The following TBC1D21 variants were observed in gnomAD, a reference collection of about 807,000 sequenced individuals.
TBC1D21 encodes the protein male germ cell Rab GTPase-activating protein.
TBC1D21 carries 38 observed loss-of-function variants against 46.0 expected under a neutral mutation model. The ratio of observed to expected loss-of-function variants is 0.83; its 90% CI spans 0.64 to 1.08. The LOEUF (loss-of-function observed/expected upper bound fraction) is 1.08, where lower values mean the gene tolerates loss of function less well. Among genes scored for constraint, TBC1D21 ranks in the 50% least tolerant of loss-of-function variants. The pLI is 0.00. For missense variants in TBC1D21, 415 were observed against 417.9 expected (o/e 0.99, Z 0.06); for synonymous variants, 151 against 157.2 (o/e 0.96, Z 0.29).
intron 8 of TBC1D21, 33 bp from the exon 9 acceptor site, chr15:73,887,586 CA>C (rs749599713): frequency 1.1e-5 from 18 of 1,595,108 alleles, no homozygotes; most frequent in Non-Finnish European, 1.5e-5. Flanking sequence ...AGTCTCAGAC[CA>C]CAGGGCCCAG....
At chr15:73,888,789 G>A (rs992981050) in intron 10 of TBC1D21, among the ~76,000 whole-genome samples, 1 of 151,976 alleles carries the variant, frequency 6.6e-6, no homozygotes, top group Non-Finnish European at 1.5e-5. Flanking sequence ...CGCAGCCCAT[G>A]GCAGGTGCAT....
rs1398061112 is a variant in TBC1D21 at position 73,886,618 on chromosome 15, G to A, written c.777+6G>A. On this transcript the variant is annotated splice_donor_region_variant and intron_variant, in intron 8 of 10. Transcript: ENST00000300504. Reference sequence around the variant, plus strand: ...ATGTCTGGAGGCTCTGGGAGGTGAGGTGTCCAGCTAGGGATCATCAGGCTG... The same window carrying A: ...ATGTCTGGAGGCTCTGGGAGGTGAGATGTCCAGCTAGGGATCATCAGGCTG... 1.2e-6 allele frequency: 2 copies of A among 1,612,988 alleles called. No individual in the cohort carries two copies. Among genetic ancestry groups the A allele is most frequent in the Non-Finnish European group, 1.7e-6 (2 of 1,179,714 alleles).
At chr15:73,898,017 T>C in the TBC1D21 span, among the ~76,000 whole-genome samples, 44 of 152,154 alleles carry the variant, frequency 2.9e-4, no homozygotes, top group Non-Finnish European at 5.7e-4. Context: ...TCACTGTGAG[T>C]GGTCATCATC....
chr15:73,882,416 T>C (rs2068172169), intron 3 of TBC1D21, among the ~76,000 whole-genome samples: 1 of 152,088 alleles, frequency 6.6e-6, no homozygotes, highest in African/African-American at 2.4e-5. Context: ...TGCACTCCCC[T>C]CTGTCCTTGG....
Position 73,885,085 on chromosome 15 carries a change from G to T in TBC1D21, c.561G>T (p.Gln187His), listed in dbSNP as rs372786137. 11 of 1,612,964 alleles carry T rather than the reference G, an allele frequency of 6.8e-6. No homozygotes were observed. The highest frequency in any genetic ancestry group is 1.7e-4 in the Middle Eastern group (1 of 6,060). Residue 187 changes from glutamine to histidine, a missense_variant, in exon 6 of 11, where the codon CAG (glutamine) becomes CAT (histidine). Transcript: ENST00000300504. ...ACCACGAGACCTTCTGGCTTTTCCA[G>T]TTCTTCCTGCAGAAAACGGTGAGGG... ...EHDHETFWLF[Q>H]FFLQKTEHSC...
At chr15:73,879,478 A>G (rs951639995) in intron 1 of TBC1D21, among the ~76,000 whole-genome samples, 1 of 152,018 alleles carries the variant, frequency 6.6e-6, no homozygotes, top group Non-Finnish European at 1.5e-5. Flanking sequence ...TGGGCCTTCC[A>G]AAGTGCTGGG....
intron 1 of TBC1D21, among the ~76,000 whole-genome samples, chr15:73,875,307 A>T (rs537976501): frequency 3.6e-5 from 4 of 110,628 alleles, no homozygotes; most frequent in African/African-American, 1.3e-4. Flanking sequence ...GAAGGAGGGA[A>T]GAAGGGAAGG....
At chr15:73,882,347 A>C (rs538446900) in intron 3 of TBC1D21, among the ~76,000 whole-genome samples, 1 of 152,096 alleles carries the variant, frequency 6.6e-6, no homozygotes, top group East Asian at 1.9e-4. Context: ...CATTCCAACC[A>C]CACTGACAGC....
downstream of TBC1D21, among the ~76,000 whole-genome samples, chr15:73,890,172 G>T (rs1487925903): frequency 6.6e-6 from 1 of 152,166 alleles, no homozygotes; most frequent in African/African-American, 2.4e-5. Flanking sequence ...TCACTCTTCA[G>T]CCAACTGTCC....
chr15:73,902,390 G>A, the TBC1D21 span, among the ~76,000 whole-genome samples: 1 of 152,192 alleles, frequency 6.6e-6, no homozygotes, highest in Non-Finnish European at 1.5e-5. Context: ...AGCCCTATCG[G>A]CCTGAGGGTG....
At chr15:73,886,710 G>A (rs2141579590) in intron 8 of TBC1D21, 98 bp downstream of exon 8, 1 of 1,173,132 alleles carries the variant, frequency 8.5e-7, no homozygotes. Flanking sequence ...TCCTGGCTTG[G>A]ATGGAGTTCA....
chr15:73,892,348 C>T (rs2068343985), downstream of TBC1D21, among the ~76,000 whole-genome samples: 1 of 152,234 alleles, frequency 6.6e-6, no homozygotes, highest in Non-Finnish European at 1.5e-5. Context: ...GGCTGAAACC[C>T]ACCCCTTGCT....
downstream of TBC1D21, among the ~76,000 whole-genome samples, chr15:73,890,856 T>C (rs907092374): frequency 6.6e-6 from 1 of 152,064 alleles, no homozygotes; most frequent in Non-Finnish European, 1.5e-5. Context: ...CCCAGAGCCC[T>C]CTCCCCCGAC....
At chr15:73,899,023 C>T in the TBC1D21 span, among the ~76,000 whole-genome samples, 3 of 151,702 alleles carry the variant, frequency 2.0e-5, no homozygotes, top group Non-Finnish European at 4.4e-5. Flanking sequence ...ATATATTTTA[C>T]ACCTTTAACA....
chr15:73,893,760 G>T (rs914629958), downstream of TBC1D21, among the ~76,000 whole-genome samples: 1 of 152,002 alleles, frequency 6.6e-6, no homozygotes, highest in African/African-American at 2.4e-5. Flanking sequence ...CCAGACCTTT[G>T]GTCAGTGGGG....
At chr15:73,903,904 T>C in the TBC1D21 span, among the ~76,000 whole-genome samples, 430 of 152,246 alleles carry the variant, frequency 2.8e-3, 3 homozygotes, top group Non-Finnish European at 4.0e-3. Context: ...AAAAGTTAGC[T>C]GGGTGTGGTG....
the TBC1D21 span, among the ~76,000 whole-genome samples, chr15:73,899,846 CAT>C: frequency 6.6e-6 from 1 of 152,182 alleles, no homozygotes; most frequent in Non-Finnish European, 1.5e-5. Context: ...TAATTAAAAA[CAT>C]AGGCAGGAAC....
At chr15:73,898,880 A>AAAAAATATATATATATATATAT in the TBC1D21 span, among the ~76,000 whole-genome samples, 4 of 56,798 alleles carry the variant, frequency 7.0e-5, no homozygotes, top group Admixed American at 5.3e-4. Context: ...AAAAAAAAAA[A>AAAAAATATATATATATATATAT]ATATATATAT....
chr15:73,887,814 G>A (rs932066206), intron 9 of TBC1D21, 78 bp downstream of exon 9: 47 of 1,206,312 alleles, frequency 3.9e-5, no homozygotes, highest in East Asian at 3.1e-4. Context: ...CTGAAAGACC[G>A]GGGTTCATGG....
Sources: allele counts gnomAD v4.1 joint callset (sites outside exome capture counted in the v4.1 genomes callset), GRCh38; gene constraint gnomAD v4.1.1; transcripts MANE v1.5; gene names NCBI Gene and HGNC (gene_info 2026-07-23, HGNC 2026-07-21).